The following LMBRD1 variants were observed in gnomAD, a reference collection of about 807,000 sequenced individuals.
LMBRD1 encodes the protein lysosomal cobalamin transport escort protein LMBD1.
In LMBRD1, 64 loss-of-function variants were observed where a neutral mutation model predicts 74.8. The observed-to-expected ratio is 0.86, with a 90% confidence interval of 0.70 to 1.05. The LOEUF (loss-of-function observed/expected upper bound fraction) is 1.05, where lower values mean the gene tolerates loss of function less well. Among genes scored for constraint, LMBRD1 ranks in the 50% least tolerant of loss-of-function variants. The pLI, the probability that LMBRD1 is intolerant of heterozygous loss-of-function variation, is 0.00. For missense variants in LMBRD1, 652 were observed against 645.9 expected, an observed-to-expected ratio of 1.01 and a Z score of -0.10; for synonymous variants, 204 against 216.3, an observed-to-expected ratio of 0.94 and a Z score of 0.50.
chr6:69,724,412 T>C (rs941509954), intron 7 of LMBRD1, among the ~76,000 whole-genome samples: 2 of 144,392 alleles, frequency 1.4e-5, no homozygotes, highest in African/African-American at 5.1e-5. Context: ...ACCCCTACCA[T>C]ATATTAGCAA....
At chr6:69,697,969 C>A (rs908696292) in intron 13 of LMBRD1, among the ~76,000 whole-genome samples, 2 of 151,962 alleles carry the variant, frequency 1.3e-5, no homozygotes, top group African/African-American at 4.8e-5. Context: ...ATCTTTTGTC[C>A]AAGCAAAAGC....
At chr6:69,741,984 T>TGTGCATA in intron 5 of LMBRD1, 107 bp from the exon 6 acceptor site, 1 of 711,434 alleles carries the variant, frequency 1.4e-6, no homozygotes. Flanking sequence ...AAATAAAATC[T>TGTGCATA]GTACTATGCA....
intron 14 of LMBRD1, among the ~76,000 whole-genome samples, chr6:69,681,853 C>A (rs1174867629): frequency 6.6e-6 from 1 of 151,702 alleles, no homozygotes; most frequent in Non-Finnish European, 1.5e-5. Flanking sequence ...GGCTAAGGAG[C>A]TTGGATTTTA....
At chr6:69,683,993 C>G (rs1185199014) in intron 14 of LMBRD1, among the ~76,000 whole-genome samples, 1 of 151,886 alleles carries the variant, frequency 6.6e-6, no homozygotes, top group Non-Finnish European at 1.5e-5. Flanking sequence ...TATTTAAATA[C>G]AAATTGGCAT....
chr6:69,692,141 T>C (rs188341629), intron 14 of LMBRD1, among the ~76,000 whole-genome samples: 1 of 152,320 alleles, frequency 6.6e-6, no homozygotes, highest in Admixed American at 6.5e-5. Context: ...CATTTGTTTA[T>C]AATTCATGTA....
chr6:69,796,168 G>A (rs1766222247), intron 1 of LMBRD1, among the ~76,000 whole-genome samples: 1 of 152,150 alleles, frequency 6.6e-6, no homozygotes, highest in Non-Finnish European at 1.5e-5. Flanking sequence ...GGTCAGACAG[G>A]TAGTAGTATA....
intron 3 of LMBRD1, among the ~76,000 whole-genome samples, chr6:69,754,151 T>C (rs1412215064): frequency 1.3e-5 from 2 of 151,676 alleles, no homozygotes; most frequent in Non-Finnish European, 2.9e-5. Context: ...AAGGGCAGAA[T>C]AGAGTTACTG....
chr6:69,728,747 A>T (rs1766790192), intron 7 of LMBRD1, among the ~76,000 whole-genome samples: 1 of 152,182 alleles, frequency 6.6e-6, no homozygotes, highest in South Asian at 2.1e-4. Context: ...TCTAATACCC[A>T]AGTCAATATA....
chr6:69,738,034 T>C lies in LMBRD1; in HGVS notation c.563-19A>G, dbSNP rs201467930. 10 of 1,558,110 alleles carry C rather than the reference T, an allele frequency of 6.4e-6. No individual in the cohort carries two copies. In the African/African-American group the frequency reaches 1.4e-4, roughly 21 times the overall value. ...AAACCATCTGTGAAGAAAGAAAAAC[T>C]GTTAAAAATGTACATATATACTACT... On this transcript the variant is annotated intron_variant, in intron 6 of 15. Transcript: ENST00000649934.
chr6:69,736,598 T>C (rs1766983510), intron 7 of LMBRD1, among the ~76,000 whole-genome samples: 1 of 152,214 alleles, frequency 6.6e-6, no homozygotes, highest in South Asian at 2.1e-4. Flanking sequence ...AATTTCTCTC[T>C]ATTTTTTTCT....
intron 3 of LMBRD1, among the ~76,000 whole-genome samples, chr6:69,758,689 G>A (rs1430993430): frequency 1.3e-5 from 2 of 152,032 alleles, no homozygotes; most frequent in East Asian, 3.9e-4. Flanking sequence ...TTTAAACCAG[G>A]AACTTCTGAA....
intron 7 of LMBRD1, among the ~76,000 whole-genome samples, chr6:69,732,875 T>A (rs1285796268): frequency 6.6e-6 from 1 of 152,152 alleles, no homozygotes; most frequent in Non-Finnish European, 1.5e-5. Context: ...TACATATATA[T>A]CCGTGCCTGT....
chr6:69,790,258 G>A (rs562380236), intron 2 of LMBRD1, 38 bp downstream of exon 2: 1 of 1,458,546 alleles, frequency 6.9e-7, no homozygotes, highest in East Asian at 2.3e-5. Context: ...CCAGAAATTT[G>A]AAAGGAAAAA....
intron 2 of LMBRD1, 131 bp downstream of exon 2, chr6:69,790,165 C>G (rs968346595): frequency 5.8e-6 from 4 of 694,264 alleles, no homozygotes; most frequent in Non-Finnish European, 1.0e-5. Flanking sequence ...ATGTCACATT[C>G]TCAGCTTCTA....
At chr6:69,765,494 T>C (rs1471756290) in intron 3 of LMBRD1, among the ~76,000 whole-genome samples, 1 of 152,150 alleles carries the variant, frequency 6.6e-6, no homozygotes, top group East Asian at 1.9e-4. Context: ...CAATACTATA[T>C]AGTCTTGTTT....
intron 2 of LMBRD1, among the ~76,000 whole-genome samples, chr6:69,786,109 T>C (rs7752533): frequency 0.36 from 54,304 of 152,212 alleles, 10,354 homozygotes; most frequent in East Asian, 0.54. Context: ...ATTATTGATC[T>C]GGCCTTGCAG....
At chr6:69,707,082 G>C (rs1766275727) in intron 9 of LMBRD1, among the ~76,000 whole-genome samples, 1 of 152,174 alleles carries the variant, frequency 6.6e-6, no homozygotes, top group Non-Finnish European at 1.5e-5. Flanking sequence ...AGGTTGTAGA[G>C]TTGGAGTTTT....
intron 14 of LMBRD1, among the ~76,000 whole-genome samples, chr6:69,691,880 A>C (rs979206725): frequency 1.3e-5 from 2 of 150,700 alleles, no homozygotes; most frequent in Admixed American, 6.6e-5. Context: ...CGTCTCAAAA[A>C]AAAAAAAAAA....
chr6:69,735,763 T>G (rs1766963196), intron 7 of LMBRD1, among the ~76,000 whole-genome samples: 1 of 152,174 alleles, frequency 6.6e-6, no homozygotes, highest in Non-Finnish European at 1.5e-5. Context: ...CCATGCCTTT[T>G]CCATTTAAAA....
Sources: gnomAD v4.1 joint callset for allele counts (sites outside exome capture counted in the v4.1 genomes callset) on GRCh38, gnomAD v4.1.1 for gene constraint, MANE v1.5 for transcripts, NCBI Gene and HGNC (gene_info 2026-07-23, HGNC 2026-07-21) for gene names.